The following GIN1 variants were observed in gnomAD, a reference collection of about 807,000 sequenced individuals.
GIN1 encodes the protein gypsy retrotransposon integrase 1, also known as gypsy retrotransposon integrase-like protein 1.
GIN1 carries 41 observed loss-of-function variants against 51.4 expected under a neutral mutation model. That is an observed-to-expected ratio of 0.80 (90% CI 0.62 to 1.04). GIN1 has a LOEUF of 1.04. GIN1 is among the 50% of genes least tolerant of loss of function. The pLI is 0.00. For synonymous variants in GIN1, 222 were observed against 206.5 expected, an observed-to-expected ratio of 1.07 and a Z score of -0.64; for missense variants, 610 against 612.4, an observed-to-expected ratio of 1.00 and a Z score of 0.04.
chr5:103,093,811 G>A (rs1787321742), intron 7 of GIN1, among the ~76,000 whole-genome samples: 1 of 152,168 alleles, frequency 6.6e-6, no homozygotes, highest in South Asian at 2.1e-4. Context: ...AGATTTCTTG[G>A]TCTAAATAGT....
In GIN1 at chr5:103,090,900, AACAC is replaced by A. The variant is rs3836842; in HGVS notation, c.1295-2732_1295-2729del. On this transcript the variant is annotated intron_variant, in intron 7 of 7. Coordinates refer to ENST00000399004, the MANE Select transcript of GIN1 (RefSeq NM_017676.2). ...ATGTAAGTAAAATAAGTCACACACG[AACAC>A]ACACACACACACACACACACACTCT... Among the ~76,000 whole-genome samples, 1,398 of 148,232 alleles carry A rather than the reference AACAC, an allele frequency of 9.4e-3. 10 individuals are homozygous for A. Among genetic ancestry groups the A allele is most frequent in the Non-Finnish European group, 0.015 (995 of 66,644 alleles).
Position 103,103,883 on chromosome 5 carries a change from G to A in GIN1, c.639+658C>T, listed in dbSNP as rs553133942. 1.8e-4 allele frequency among the ~76,000 whole-genome samples: 28 copies of A among 152,124 alleles called. No individual in the cohort carries two copies. In the South Asian group the frequency reaches 3.5e-3, roughly 19 times the overall value. ...CAGTTCATTGTAACCTCCGCCTCCC[G>A]GGCTCAAGTGATCCTCCTATCTCAA... On this transcript the variant is annotated intron_variant, in intron 4 of 7. Transcript: ENST00000399004.
chr5:103,095,268 T>G (rs370694169), intron 7 of GIN1, among the ~76,000 whole-genome samples: 44 of 152,300 alleles, frequency 2.9e-4, no homozygotes, highest in African/African-American at 1.1e-3. Context: ...AGCAGACACA[T>G]TAGGACAAAA....
At chr5:103,094,303 A>G (rs1371014799) in intron 7 of GIN1, among the ~76,000 whole-genome samples, 1 of 152,186 alleles carries the variant, frequency 6.6e-6, no homozygotes, top group Admixed American at 6.5e-5. Flanking sequence ...GGATCAAGCA[A>G]TAAGAACCAG....
Position 103,086,955 on chromosome 5 carries a change from G to C in GIN1, c.*943C>G, listed in dbSNP as rs1344576901. 1 of 152,132 alleles carries C rather than the reference G, an allele frequency of 6.6e-6. No homozygotes were observed. Among genetic ancestry groups the C allele is most frequent in the Non-Finnish European group, 1.5e-5 (1 of 68,006 alleles). The allele number at this position is 152,132 out of a possible 1,614,324, so 9.4% of individuals were successfully genotyped here. ...GTTATTTTATGATTTTATGATTGCA[G>C]AAAAAATTCTTAACGGATACTTTTG... On this transcript the variant is annotated 3_prime_UTR_variant, in exon 8 of 8. Coordinates refer to ENST00000399004, the MANE Select transcript of GIN1 (RefSeq NM_017676.2).
In GIN1 at chr5:103,097,660, C is replaced by T. The variant is rs1554195277; in HGVS notation, c.761G>A (p.Cys254Tyr). ...NTIKAFLSKHCADHPNNWDDH... is the reference protein window; with the variant it reads ...NTIKAFLSKHYADHPNNWDDH... ...ATCCCAATTGTTTGGGTGGTCAGCACAGTGTTTGGAGAGAAATGCTTTGAT... is the reference window on the plus strand; with the variant it reads ...ATCCCAATTGTTTGGGTGGTCAGCATAGTGTTTGGAGAGAAATGCTTTGAT... The change falls in exon 5 of 8, where the codon TGT (cysteine) becomes TAT (tyrosine). Residue 254 changes from cysteine to tyrosine, a missense_variant. Coordinates refer to ENST00000399004, the MANE Select transcript of GIN1 (RefSeq NM_017676.2). 1 of 1,611,280 alleles carries T rather than the reference C, an allele frequency of 6.2e-7. No individual in the cohort carries two copies. The highest frequency in any genetic ancestry group is 1.7e-5 in the Admixed American group (1 of 60,000).
chr5:103,098,522 G>A (rs1270748418), intron 4 of GIN1, among the ~76,000 whole-genome samples: 8 of 151,796 alleles, frequency 5.3e-5, no homozygotes, highest in Non-Finnish European at 7.4e-5. Context: ...TTGCTCTGTC[G>A]CACAGGCTGG....
chr5:103,089,007 C>T (rs1583105985), intron 7 of GIN1, among the ~76,000 whole-genome samples: 2 of 152,212 alleles, frequency 1.3e-5, no homozygotes, highest in South Asian at 2.1e-4. Context: ...TTAAAAACAA[C>T]ATGCCAACTG....
At chr5:103,109,560 A>G (rs1456572956) in intron 1 of GIN1, among the ~76,000 whole-genome samples, 1 of 152,148 alleles carries the variant, frequency 6.6e-6, no homozygotes, top group African/African-American at 2.4e-5. Flanking sequence ...AGAGAGTAAC[A>G]GTACATTTCT....
At chr5:103,115,656 A>G (rs576267236) in intron 1 of GIN1, among the ~76,000 whole-genome samples, 2 of 152,280 alleles carry the variant, frequency 1.3e-5, no homozygotes, top group Admixed American at 1.3e-4. Context: ...TGAACTGCAC[A>G]CTTAAAAATG....
chr5:103,101,080 G>A (rs1156947097), intron 4 of GIN1, among the ~76,000 whole-genome samples: 1 of 152,200 alleles, frequency 6.6e-6, no homozygotes, highest in African/African-American at 2.4e-5. Flanking sequence ...ATTAGGCACA[G>A]TAAGAGGTTA....
chr5:103,100,565 A>T (rs34819), intron 4 of GIN1, among the ~76,000 whole-genome samples: 39,134 of 147,072 alleles, frequency 0.27, 5,498 homozygotes, highest in East Asian at 0.46. Context: ...TTAATTAAAA[A>T]TTTTTTTTTT....
chr5:103,107,055 T>G, intron 2 of GIN1, 146 bp from the exon 3 acceptor site: 1 of 557,310 alleles, frequency 1.8e-6, no homozygotes, highest in Non-Finnish European at 3.1e-6. Flanking sequence ...TATTTATTTT[T>G]AATGATGCTA....
chr5:103,114,853 G>C (rs1787986073), intron 1 of GIN1, among the ~76,000 whole-genome samples: 1 of 152,162 alleles, frequency 6.6e-6, no homozygotes, highest in African/African-American at 2.4e-5. Flanking sequence ...TCTGGTAATA[G>C]AAGTCTGGGA....
intron 7 of GIN1, among the ~76,000 whole-genome samples, chr5:103,090,900 A>AACACACAC (rs3836842): frequency 3.0e-4 from 45 of 148,356 alleles, no homozygotes; most frequent in African/African-American, 1.1e-3. Flanking sequence ...GTCACACACG[A>AACACACAC]ACACACACAC....
intron 7 of GIN1, among the ~76,000 whole-genome samples, chr5:103,093,252 G>A (rs1488085952): frequency 1.3e-5 from 2 of 152,136 alleles, no homozygotes; most frequent in Non-Finnish European, 2.9e-5. Context: ...AAAATAGGGG[G>A]ATTATCCTGG....
chr5:103,103,381 C>T (rs1428583695), intron 4 of GIN1, among the ~76,000 whole-genome samples: 2 of 152,156 alleles, frequency 1.3e-5, no homozygotes, highest in Admixed American at 1.3e-4. Flanking sequence ...ATGAGTATGA[C>T]TATATGCTGA....
At chr5:103,110,225 G>GA (rs1172276303) in intron 1 of GIN1, among the ~76,000 whole-genome samples, 9 of 149,856 alleles carry the variant, frequency 6.0e-5, no homozygotes, top group East Asian at 1.9e-4. Flanking sequence ...ATCCTTAAAA[G>GA]AAAAAAAAAT....
At chr5:103,104,374 A>G (rs1387880060) in intron 4 of GIN1, among the ~76,000 whole-genome samples, 167 bp downstream of exon 4, 4 of 152,160 alleles carry the variant, frequency 2.6e-5, no homozygotes, top group African/African-American at 7.2e-5. Flanking sequence ...CTAATCTCCT[A>G]ATTTCCAGTA....
Sources: allele counts gnomAD v4.1 joint callset (sites outside exome capture counted in the v4.1 genomes callset), GRCh38; gene constraint gnomAD v4.1.1; transcripts MANE v1.5; gene names NCBI Gene and HGNC (gene_info 2026-07-23, HGNC 2026-07-21).